The following N4BP2 variants were observed in gnomAD, a reference collection of about 807,000 sequenced individuals.
N4BP2 encodes the protein NEDD4 binding protein 2.
N4BP2 carries 91 observed loss-of-function variants against 152.8 expected under a neutral mutation model. The ratio of observed to expected loss-of-function variants is 0.60; its 90% CI spans 0.50 to 0.71. The LOEUF (loss-of-function observed/expected upper bound fraction) is 0.71. Among genes scored for constraint, N4BP2 ranks in the 30% least tolerant of loss-of-function variants. The probability of loss-of-function intolerance (pLI) is 0.00; values close to 1 mark genes in which losing one functional copy is unlikely to be tolerated. For missense variants in N4BP2, 1,923 were observed against 2,059.1 expected, an observed-to-expected ratio of 0.93 and a Z score of 1.28; for synonymous variants, 646 against 705.3, an observed-to-expected ratio of 0.92 and a Z score of 1.33.
intron 16 of N4BP2, among the ~76,000 whole-genome samples, chr4:40,146,951 T>C (rs1321754158): frequency 1.3e-5 from 2 of 149,854 alleles, no homozygotes; most frequent in Admixed American, 1.3e-4. Flanking sequence ...CTTGGGTGTT[T>C]CTCGCAGAGG....
At chr4:40,074,022 C>A (rs1429415244) in intron 2 of N4BP2, among the ~76,000 whole-genome samples, 1 of 151,770 alleles carries the variant, frequency 6.6e-6, no homozygotes, top group African/African-American at 2.4e-5. Context: ...AAACTCCCAA[C>A]CTCAGGTGAT....
chr4:40,183,772 A>C, the N4BP2 span, among the ~76,000 whole-genome samples: 1 of 152,238 alleles, frequency 6.6e-6, no homozygotes, highest in Non-Finnish European at 1.5e-5. Context: ...TCACATAATA[A>C]AAAGTAAGAG....
In N4BP2 at chr4:40,122,350, A is replaced by G. The variant is rs372841993; in HGVS notation, c.4198+41A>G. Reference sequence around the variant, plus strand: ...ATGACCATGTGTGTGTCTTTGTGTGACTAGACTACAGAGGGTTCTATTTTG... The same window carrying G: ...ATGACCATGTGTGTGTCTTTGTGTGGCTAGACTACAGAGGGTTCTATTTTG... On this transcript the variant is annotated intron_variant, in intron 9 of 17. Coordinates refer to ENST00000261435, the MANE Select transcript of N4BP2 (RefSeq NM_018177.6). 1.2e-3 allele frequency: 1,536 copies of G among 1,331,910 alleles called. 3 individuals are homozygous for G. The highest frequency in any genetic ancestry group is 1.5e-3 in the Non-Finnish European group (1,471 of 975,982). The allele number at this position is 1,331,910 out of a possible 1,614,324, so 82.5% of individuals were successfully genotyped here.
At chr4:40,176,377 A>G in the N4BP2 span, among the ~76,000 whole-genome samples, 2 of 152,258 alleles carry the variant, frequency 1.3e-5, no homozygotes, top group Non-Finnish European at 2.9e-5. Context: ...CACTAAGAAT[A>G]TGAACATCTA....
intron 2 of N4BP2, among the ~76,000 whole-genome samples, chr4:40,090,808 C>T (rs556636096): frequency 2.2e-4 from 33 of 151,950 alleles, no homozygotes; most frequent in Middle Eastern, 6.8e-3. Flanking sequence ...TGGCATGTGC[C>T]TGTAAACCCA....
chr4:40,092,010 A>AAAAAT (rs1560584859), intron 2 of N4BP2, among the ~76,000 whole-genome samples: 8 of 31,356 alleles, frequency 2.6e-4, no homozygotes, highest in African/African-American at 7.4e-4. Flanking sequence ...AAAAAAAATT[A>AAAAAT]TATATATATA....
At chr4:40,090,150 G>A (rs1031291101) in intron 2 of N4BP2, among the ~76,000 whole-genome samples, 1 of 152,078 alleles carries the variant, frequency 6.6e-6, no homozygotes, top group Non-Finnish European at 1.5e-5. Context: ...CTGTATTTCT[G>A]TCCCTCCACT....
intron 3 of N4BP2, among the ~76,000 whole-genome samples, chr4:40,099,016 A>C (rs1715365431): frequency 1.3e-5 from 2 of 152,206 alleles, no homozygotes; most frequent in South Asian, 4.1e-4. Context: ...TGAATAATTA[A>C]TATTGCAGAG....
chr4:40,064,432 G>A (rs146542945), intron 1 of N4BP2, among the ~76,000 whole-genome samples: 21 of 151,684 alleles, frequency 1.4e-4, no homozygotes, highest in Admixed American at 1.4e-3. Flanking sequence ...GCACCACCAC[G>A]CCTGGCTAAT....
chr4:40,120,243 A>G lies in N4BP2; in HGVS notation c.2132A>G (p.Tyr711Cys), dbSNP rs1377678530. 1 of 1,613,826 alleles carries G rather than the reference A, an allele frequency of 6.2e-7. No homozygotes were observed. The highest frequency in any genetic ancestry group is 1.3e-5 in the African/African-American group (1 of 74,952). Residue 711 changes from tyrosine to cysteine, a missense_variant, in exon 9 of 18, where the codon TAT becomes TGT. Transcript: ENST00000261435. The stretch of plus-strand genomic sequence containing the variant: ...ATAGAAATGGTGGCTGTAAAAGGGT[A>G]TAGTAAAACTGACACAGATAGTTCT... ...EQIEMVAVKG[Y>C]SKTDTDSSME...
At chr4:40,183,160 C>CT in the N4BP2 span, among the ~76,000 whole-genome samples, 8 of 152,194 alleles carry the variant, frequency 5.3e-5, no homozygotes, top group African/African-American at 1.9e-4. Flanking sequence ...TCCTGTTTCT[C>CT]TTTTTGCACG....
rs144471030 is a variant in N4BP2, at chr4:40,121,313, T to C, written c.3202T>C (p.Tyr1068His). The C allele has an allele frequency of 1.2e-5, 19 of 1,613,876 alleles. No individual in the cohort carries two copies. The African/African-American group carries it at 2.5e-4, about 22-fold the overall frequency. The change falls in exon 9 of 18, where the codon TAT (tyrosine) becomes CAT (histidine). Residue 1068 changes from tyrosine to histidine, a missense_variant. Coordinates refer to ENST00000261435, the MANE Select transcript of N4BP2 (RefSeq NM_018177.6). Reference protein sequence around the residue: ...TKSDVQEAIPYRVMYDKSTFV... With the variant: ...TKSDVQEAIPHRVMYDKSTFV... ...ATCAGACGTTCAAGAAGCAATTCCATATAGAGTAATGTATGATAAAAGCAC... is the reference window on the plus strand; with the variant it reads ...ATCAGACGTTCAAGAAGCAATTCCACATAGAGTAATGTATGATAAAAGCAC...
At chr4:40,084,456 G>A (rs1190737394) in intron 2 of N4BP2, among the ~76,000 whole-genome samples, 4 of 148,340 alleles carry the variant, frequency 2.7e-5, no homozygotes, top group Non-Finnish European at 5.9e-5. Context: ...TTTCCTCCGA[G>A]ATGGAGTCTT....
chr4:40,180,983 C>A, the N4BP2 span, among the ~76,000 whole-genome samples: 1 of 152,052 alleles, frequency 6.6e-6, no homozygotes, highest in African/African-American at 2.4e-5. Context: ...AACCTCATCT[C>A]TACTAAAAAT....
intron 1 of N4BP2, among the ~76,000 whole-genome samples, chr4:40,063,551 A>G (rs1733816126): frequency 6.6e-6 from 1 of 152,142 alleles, no homozygotes; most frequent in African/African-American, 2.4e-5. Context: ...GACCTTGAGT[A>G]GGGGAGAGGA....
chr4:40,190,455 A>G, the N4BP2 span, among the ~76,000 whole-genome samples: 1 of 152,222 alleles, frequency 6.6e-6, no homozygotes, highest in Admixed American at 6.5e-5. Context: ...GTGACAATAA[A>G]CACATGACAT....
chr4:40,173,873 TTTC>T, the N4BP2 span, among the ~76,000 whole-genome samples: 2 of 152,246 alleles, frequency 1.3e-5, no homozygotes, highest in African/African-American at 4.8e-5. Context: ...TCTTTTCTCA[TTTC>T]TTTTTTTCTT....
rs143484346 is a variant in N4BP2 at position 40,080,197 on chromosome 4, C to G, written c.-115+6646C>G. 1.0e-3 allele frequency among the ~76,000 whole-genome samples: 153 copies of G among 151,746 alleles called. 3 individuals carry two copies. In the East Asian group the frequency reaches 0.025, roughly 25 times the overall value. ...AGGCTCTCATGAAAAAAGGAAGATA[C>G]GTAAGATTAGATGATAAAATAGTTA... On this transcript the variant is annotated intron_variant, in intron 2 of 17. Transcript: ENST00000261435.
chr4:40,098,366 G>A (rs1307893436), intron 3 of N4BP2, among the ~76,000 whole-genome samples: 1 of 152,084 alleles, frequency 6.6e-6, no homozygotes, highest in Non-Finnish European at 1.5e-5. Flanking sequence ...TTTTTTTGGT[G>A]AGGATTGAGT....
Sources: allele counts gnomAD v4.1 joint callset (sites outside exome capture counted in the v4.1 genomes callset), GRCh38; gene constraint gnomAD v4.1.1; transcripts MANE v1.5; gene names NCBI Gene and HGNC (gene_info 2026-07-23, HGNC 2026-07-21).